The following RARB variants were observed in gnomAD, a reference collection of about 807,000 sequenced individuals.
The protein encoded by RARB is HBV-activated protein.
RARB carries 17 observed loss-of-function variants against 51.9 expected under a neutral mutation model. The observed-to-expected ratio is 0.33, with a 90% confidence interval of 0.22 to 0.49. RARB has a LOEUF of 0.49. Ranked by LOEUF, RARB falls within the 20% of genes least tolerant of loss-of-function variation. The probability of loss-of-function intolerance (pLI) is 0.99; values close to 1 mark genes in which losing one functional copy is unlikely to be tolerated. For missense variants in RARB, 369 were observed against 550.8 expected (o/e 0.67, Z 3.30); for synonymous variants, 215 against 195.4 (o/e 1.10, Z -0.84).
At chr3:25,194,059 A>G (rs1180055433) in intron 5 of RARB, among the ~76,000 whole-genome samples, 4 of 151,898 alleles carry the variant, frequency 2.6e-5, no homozygotes, top group African/African-American at 9.7e-5. Context: ...GTATATATAT[A>G]TGAATATTCA....
intron 2 of RARB, among the ~76,000 whole-genome samples, chr3:24,965,209 G>C (rs777251953): frequency 1.3e-5 from 2 of 152,046 alleles, no homozygotes; most frequent in Non-Finnish European, 2.9e-5. Flanking sequence ...TTCTTGTGTT[G>C]AGTGTATTTT....
At chr3:25,190,564 A>G (rs964386162) in intron 5 of RARB, among the ~76,000 whole-genome samples, 5 of 152,074 alleles carry the variant, frequency 3.3e-5, no homozygotes, top group African/African-American at 1.2e-4. Flanking sequence ...TGATCAACTA[A>G]AAAATGCATT....
rs372166385 is a variant in RARB at position 25,491,494 on chromosome 3, A to G, written c.307-9688A>G. 2.2e-4 allele frequency among the ~76,000 whole-genome samples: 33 copies of G among 152,294 alleles called. No individual in the cohort carries two copies. The South Asian group carries it at 4.6e-3, about 21-fold the overall frequency. On this transcript the variant is annotated intron_variant, in intron 2 of 7. Coordinates refer to ENST00000330688, the MANE Select transcript of RARB (RefSeq NM_000965.5). ...AACATAAGGTCAACCAGAAGAGAAGAGAGACTATCCGAGACTATCCAAGAC... is the reference window on the plus strand; with the variant it reads ...AACATAAGGTCAACCAGAAGAGAAGGGAGACTATCCGAGACTATCCAAGAC...
chr3:25,464,335 CCT>C (rs1428030240), intron 2 of RARB, among the ~76,000 whole-genome samples: 1 of 152,070 alleles, frequency 6.6e-6, no homozygotes, highest in African/African-American at 2.4e-5. Flanking sequence ...GATTCTGACT[CCT>C]TTTTAGGAAA....
intron 3 of RARB, among the ~76,000 whole-genome samples, chr3:25,081,478 T>C (rs1199036428): frequency 2.0e-5 from 3 of 149,280 alleles, no homozygotes; most frequent in Admixed American, 1.3e-4. Context: ...TACTGATTTT[T>C]GTTTACTTGA....
At chr3:25,590,893 G>T (rs1160234049) in intron 5 of RARB, among the ~76,000 whole-genome samples, 2 of 152,218 alleles carry the variant, frequency 1.3e-5, no homozygotes. Context: ...CTGTATTCTA[G>T]GCTCTAGCAC....
intron 5 of RARB, among the ~76,000 whole-genome samples, chr3:25,203,525 C>A (rs550503458): frequency 2.0e-5 from 3 of 152,204 alleles, no homozygotes; most frequent in African/African-American, 7.2e-5. Flanking sequence ...TCTTCCTAGC[C>A]TTGATGGTCT....
intron 2 of RARB, among the ~76,000 whole-genome samples, chr3:24,924,389 T>C (rs1329906070): frequency 1.3e-5 from 2 of 152,208 alleles, no homozygotes; most frequent in East Asian, 3.9e-4. Context: ...ATACCTGTGC[T>C]GTCCAAGAGA....
At chr3:24,885,465 T>C (rs567769356) in intron 2 of RARB, among the ~76,000 whole-genome samples, 2 of 152,296 alleles carry the variant, frequency 1.3e-5, no homozygotes, top group South Asian at 4.1e-4. Context: ...GAATATTAAA[T>C]GGAGAATTTT....
intron 1 of RARB, among the ~76,000 whole-genome samples, chr3:24,857,438 T>C (rs1015184943): frequency 1.8e-4 from 28 of 152,350 alleles, no homozygotes; most frequent in Non-Finnish European, 3.5e-4. Context: ...ATTTGAATTT[T>C]TGATACACAA....
chr3:25,266,281 G>A (rs1053471437), intron 5 of RARB, among the ~76,000 whole-genome samples: 29 of 151,996 alleles, frequency 1.9e-4, no homozygotes, highest in South Asian at 6.2e-4. Flanking sequence ...CTAGCCCTTC[G>A]GAATCCAAAA....
At chr3:25,287,350 G>T (rs1048095400) in intron 5 of RARB, among the ~76,000 whole-genome samples, 1 of 151,718 alleles carries the variant, frequency 6.6e-6, no homozygotes, top group African/African-American at 2.4e-5. Flanking sequence ...CCATATACAA[G>T]GGAGAGAAAG....
intron 5 of RARB, among the ~76,000 whole-genome samples, chr3:25,253,596 G>A (rs981412982): frequency 1.3e-5 from 2 of 152,144 alleles, no homozygotes; most frequent in South Asian, 2.1e-4. Flanking sequence ...GAAAGGAAGA[G>A]TAGAGGGGAG....
At chr3:25,149,748 T>C (rs1352459739) in intron 4 of RARB, among the ~76,000 whole-genome samples, 1 of 152,168 alleles carries the variant, frequency 6.6e-6, no homozygotes, top group South Asian at 2.1e-4. Context: ...ACCTCCCCTC[T>C]CCCCATCTTT....
chr3:25,228,276 C>T (rs889567351), intron 5 of RARB, among the ~76,000 whole-genome samples: 1 of 129,524 alleles, frequency 7.7e-6, no homozygotes, highest in African/African-American at 3.0e-5. Flanking sequence ...TAAGGATACT[C>T]TACTCTTTGT....
intron 5 of RARB, among the ~76,000 whole-genome samples, chr3:25,237,778 A>G (rs544762431): frequency 6.6e-6 from 1 of 152,030 alleles, no homozygotes; most frequent in South Asian, 2.1e-4. Context: ...ACTCTAGTCT[A>G]CTCTACTTTT....
chr3:25,550,960 G>A lies in RARB; in HGVS notation c.449-18798G>A, dbSNP rs540289567. ...CTGCATAGTATTCCAGGGTATATATGTACCAAGTTTTCTTTAGGGGATTAA... is the reference window on the plus strand; with the variant it reads ...CTGCATAGTATTCCAGGGTATATATATACCAAGTTTTCTTTAGGGGATTAA... On this transcript the variant is annotated intron_variant, in intron 3 of 7. Transcript: ENST00000330688. 2.6e-5 allele frequency among the ~76,000 whole-genome samples: 4 copies of A among 152,262 alleles called. No homozygotes were observed. In the South Asian group the frequency reaches 8.3e-4, roughly 32 times the overall value.
intron 5 of RARB, among the ~76,000 whole-genome samples, chr3:25,336,284 A>G (rs935567580): frequency 3.9e-5 from 6 of 152,200 alleles, no homozygotes; most frequent in Admixed American, 3.9e-4. Context: ...ATAGTCTATT[A>G]TGAGAATGAC....
chr3:25,172,474 T>C (rs1339755312), intron 4 of RARB, among the ~76,000 whole-genome samples: 1 of 152,180 alleles, frequency 6.6e-6, no homozygotes, highest in East Asian at 1.9e-4. Context: ...ATATGGTAAA[T>C]AGTCAATGAA....
Sources: allele counts gnomAD v4.1 joint callset (sites outside exome capture counted in the v4.1 genomes callset), GRCh38; gene constraint gnomAD v4.1.1; transcripts MANE v1.5; gene names NCBI Gene and HGNC (gene_info 2026-07-23, HGNC 2026-07-21).